Variants in GPHN observed in about 807,000 individuals in gnomAD.
The protein encoded by GPHN is gephyrin.
In GPHN, 17 loss-of-function variants were observed where a neutral mutation model predicts 95.5. That is an observed-to-expected ratio of 0.18 (90% confidence interval 0.12 to 0.27). The LOEUF is 0.27. Ranked by LOEUF, GPHN falls within the 10% of genes least tolerant of loss-of-function variation. The probability of loss-of-function intolerance (pLI) is 1.00; values close to 1 mark genes in which losing one functional copy is unlikely to be tolerated. For synonymous variants in GPHN, 320 were observed against 322.5 expected (o/e 0.99, Z 0.08); for missense variants, 660 against 978.1 (o/e 0.67, Z 4.34).
the GPHN span, among the ~76,000 whole-genome samples, chr14:67,273,132 T>A: frequency 2.0e-5 from 3 of 146,920 alleles, no homozygotes; most frequent in Non-Finnish European, 4.4e-5. Context: ...TTTTTTTTTT[T>A]ATACTTTAAG....
the GPHN span, chr14:67,695,571 T>G: frequency 6.5e-7 from 1 of 1,529,326 alleles, no homozygotes; most frequent in Non-Finnish European, 9.0e-7. Context: ...GGGGATTCTA[T>G]GTTTCCCTCC....
In GPHN at chr14:66,656,097, T is replaced by C. The variant is rs1020652042; in HGVS notation, c.65-25010T>C. ...ACTGTCTTTGTTTGCTTTTTGCATC[T>C]GCGTAATATTCCCTTCATAATATCC... On this transcript the variant is annotated intron_variant, in intron 1 of 22. Coordinates refer to ENST00000478722, the MANE Select transcript of GPHN (RefSeq NM_020806.5). Among the ~76,000 whole-genome samples, 6 of 152,328 alleles carry C rather than the reference T, an allele frequency of 3.9e-5. No individual in the cohort carries two copies. In the East Asian group the frequency reaches 7.7e-4, roughly 20 times the overall value.
chr14:67,683,569 T>C, the GPHN span, among the ~76,000 whole-genome samples: 1 of 152,204 alleles, frequency 6.6e-6, no homozygotes, highest in Non-Finnish European at 1.5e-5. Context: ...TCAATATAGT[T>C]TGAAGAGAGC....
the GPHN span, chr14:67,412,211 C>A: frequency 1.8e-6 from 1 of 543,180 alleles, no homozygotes; most frequent in East Asian, 3.6e-5. Flanking sequence ...GTGTCCAGAG[C>A]CTGAGGCCCC....
At chr14:67,419,848 CA>C in the GPHN span, among the ~76,000 whole-genome samples, 257 of 131,618 alleles carry the variant, frequency 2.0e-3, no homozygotes, top group Non-Finnish European at 1.9e-3. Flanking sequence ...GCCTCCGTCT[CA>C]AAAAAAAAAA....
intron 1 of GPHN, among the ~76,000 whole-genome samples, chr14:66,539,606 TG>T (rs2059280407): frequency 1.3e-5 from 1 of 75,992 alleles, no homozygotes; most frequent in African/African-American, 2.0e-4. Context: ...TAGAGACGGG[TG>T]TTGGTCAGGC....
the GPHN span, among the ~76,000 whole-genome samples, chr14:67,249,003 C>T: frequency 1.3e-5 from 2 of 151,400 alleles, no homozygotes; most frequent in South Asian, 2.1e-4. Flanking sequence ...CACTCTGTCC[C>T]CCAGGCTGGA....
intron 9 of GPHN, among the ~76,000 whole-genome samples, chr14:67,013,621 A>G (rs1686320525): frequency 6.6e-6 from 1 of 152,008 alleles, no homozygotes; most frequent in South Asian, 2.1e-4. Flanking sequence ...TTGCTACTTT[A>G]CTAGTGCAGT....
intron 1 of GPHN, among the ~76,000 whole-genome samples, chr14:66,600,551 C>T (rs1349388310): frequency 6.6e-6 from 1 of 152,032 alleles, no homozygotes; most frequent in African/African-American, 2.4e-5. Flanking sequence ...TGTTTAAAGA[C>T]AACTTATTTA....
At chr14:66,575,993 G>A (rs76684954) in intron 1 of GPHN, among the ~76,000 whole-genome samples, 2,028 of 152,258 alleles carry the variant, frequency 0.013, 21 homozygotes, top group Middle Eastern at 0.02. Flanking sequence ...GTCCACAGGC[G>A]TGGTCTTGGG....
chr14:66,532,025 G>A lies in GPHN; in HGVS notation c.64+23434G>A, dbSNP rs143783094. On this transcript the variant is annotated intron_variant, in intron 1 of 22. Coordinates refer to ENST00000478722, the MANE Select transcript of GPHN (RefSeq NM_020806.5). ...GAAATTTTAGTTATAAAAAGAAATG[G>A]CAGGCCAGAATTGGTCTAAGGGCTG... is the stretch of plus-strand genomic sequence containing the variant. Among the ~76,000 whole-genome samples the A allele has an allele frequency of 3.3e-5, 5 of 152,304 alleles. No homozygotes were observed. The East Asian group carries it at 9.6e-4, about 29-fold the overall frequency.
At chr14:66,801,807 GCTCCCT>G (rs375169045) in intron 3 of GPHN, among the ~76,000 whole-genome samples, 62 of 141,584 alleles carry the variant, frequency 4.4e-4, no homozygotes, top group East Asian at 1.9e-3. Context: ...TCCCGCTCCC[GCTCCCT>G]CTCCCTCTCC....
intron 2 of GPHN, among the ~76,000 whole-genome samples, chr14:66,761,410 C>A (rs943282926): frequency 6.6e-6 from 1 of 152,082 alleles, no homozygotes; most frequent in African/African-American, 2.4e-5. Flanking sequence ...AGGGGGGATA[C>A]AACAAGAAAC....
chr14:67,483,263 G>A, the GPHN span, among the ~76,000 whole-genome samples: 12 of 152,066 alleles, frequency 7.9e-5, no homozygotes, highest in Admixed American at 3.3e-4. Flanking sequence ...TGCCTGCCTC[G>A]GCCTCCCAAA....
chr14:67,688,069 G>A, the GPHN span, among the ~76,000 whole-genome samples: 6 of 151,898 alleles, frequency 4.0e-5, 1 homozygote, highest in East Asian at 7.8e-4. Flanking sequence ...CACCGCGCCC[G>A]GCCTCAGCCT....
At chr14:66,962,945 G>A (rs1158220001) in intron 8 of GPHN, among the ~76,000 whole-genome samples, 3 of 151,816 alleles carry the variant, frequency 2.0e-5, no homozygotes, top group Admixed American at 6.6e-5. Context: ...ATCCTAGATT[G>A]TTCAAGGAAA....
chr14:67,381,216 G>A, the GPHN span, among the ~76,000 whole-genome samples: 7 of 151,960 alleles, frequency 4.6e-5, no homozygotes, highest in Non-Finnish European at 8.8e-5. Flanking sequence ...ACATAAACCC[G>A]TCCCCTCCTG....
At chr14:67,121,779 C>A (rs1008215300) in intron 16 of GPHN, among the ~76,000 whole-genome samples, 1 of 152,150 alleles carries the variant, frequency 6.6e-6, no homozygotes, top group Non-Finnish European at 1.5e-5. Flanking sequence ...AGCTTAGCTT[C>A]TTTGATACTG....
intron 3 of GPHN, among the ~76,000 whole-genome samples, chr14:66,795,101 T>G (rs993253777): frequency 6.6e-6 from 1 of 152,010 alleles, no homozygotes; most frequent in African/African-American, 2.4e-5. Flanking sequence ...ATAAAATAAA[T>G]AGATAGACAG....
Sources: gnomAD v4.1 joint callset for allele counts (sites outside exome capture counted in the v4.1 genomes callset) on GRCh38, gnomAD v4.1.1 for gene constraint, MANE v1.5 for transcripts, NCBI Gene and HGNC (gene_info 2026-07-23, HGNC 2026-07-21) for gene names.